The following GRIK1 variants were observed in gnomAD, a reference collection of about 807,000 sequenced individuals.
GRIK1 encodes glutamate ionotropic receptor kainate type subunit 1.
In GRIK1, 69 loss-of-function variants were observed where a neutral mutation model predicts 105.7. The observed-to-expected ratio is 0.65, with a 90% confidence interval of 0.54 to 0.80. GRIK1 has a LOEUF of 0.80. Among genes scored for constraint, GRIK1 ranks in the 30% least tolerant of loss-of-function variants. The pLI, the probability that GRIK1 is intolerant of heterozygous loss-of-function variation, is 0.00. For missense variants in GRIK1, 1,109 were observed against 1,167.3 expected (o/e 0.95, Z 0.73); for synonymous variants, 438 against 431.3 (o/e 1.02, Z -0.19).
At chr21:29,688,932 C>A (rs2063534416) in intron 3 of GRIK1, among the ~76,000 whole-genome samples, 1 of 151,982 alleles carries the variant, frequency 6.6e-6, no homozygotes, top group Non-Finnish European at 1.5e-5. Flanking sequence ...AGAGTACAGG[C>A]AGTGAGGGAA....
At chr21:29,848,779 A>ATATAT in intron 1 of GRIK1, among the ~76,000 whole-genome samples, 1,148 of 77,846 alleles carry the variant, frequency 0.015, 41 homozygotes, top group Admixed American at 0.063. Flanking sequence ...ATATATATAT[A>ATATAT]TTTTTTTTTT....
intron 1 of GRIK1, among the ~76,000 whole-genome samples, chr21:29,895,442 C>A (rs1042708721): frequency 6.6e-6 from 1 of 152,102 alleles, no homozygotes; most frequent in Non-Finnish European, 1.5e-5. Context: ...AACAGGCAAA[C>A]AACAACTACA....
At chr21:29,625,924 C>T (rs1371308859) in intron 7 of GRIK1, among the ~76,000 whole-genome samples, 5 of 151,986 alleles carry the variant, frequency 3.3e-5, no homozygotes, top group African/African-American at 4.8e-5. Flanking sequence ...AAAGTTGTGT[C>T]CCCCCAAATT....
intron 7 of GRIK1, among the ~76,000 whole-genome samples, chr21:29,599,726 G>A (rs897075910): frequency 6.6e-6 from 1 of 152,168 alleles, no homozygotes; most frequent in African/African-American, 2.4e-5. Flanking sequence ...CAAGGTGGAG[G>A]TTGTGGTGAG....
intron 1 of GRIK1, among the ~76,000 whole-genome samples, chr21:29,897,043 C>T (rs1045687968): frequency 2.0e-5 from 3 of 152,116 alleles, no homozygotes; most frequent in South Asian, 2.1e-4. Flanking sequence ...GAATGAGAAG[C>T]GGATTTAAAA....
chr21:29,880,294 A>C (rs528888763), intron 1 of GRIK1, among the ~76,000 whole-genome samples: 1 of 152,228 alleles, frequency 6.6e-6, no homozygotes, highest in South Asian at 2.1e-4. Flanking sequence ...TTACCAACTC[A>C]TTTCATGTTT....
chr21:29,905,649 C>T (rs1251150841), intron 1 of GRIK1, among the ~76,000 whole-genome samples: 3 of 106,316 alleles, frequency 2.8e-5, no homozygotes, highest in South Asian at 3.4e-4. Flanking sequence ...TTTTTTGAGA[C>T]GGAGTCTCGC....
chr21:29,560,395 T>C (rs2090406420), intron 15 of GRIK1, among the ~76,000 whole-genome samples: 1 of 89,226 alleles, frequency 1.1e-5, no homozygotes, highest in Admixed American at 1.2e-4. Context: ...CTTCCTTCCT[T>C]CCTTCCTTTC....
At chr21:29,805,979 A>G (rs150236045) in intron 1 of GRIK1, among the ~76,000 whole-genome samples, 41 of 152,300 alleles carry the variant, frequency 2.7e-4, no homozygotes, top group Non-Finnish European at 4.7e-4. Flanking sequence ...CAAACATGCT[A>G]TAAATCACAG....
At chr21:29,905,405 T>C (rs977987170) in intron 1 of GRIK1, among the ~76,000 whole-genome samples, 1 of 140,584 alleles carries the variant, frequency 7.1e-6, no homozygotes, top group Admixed American at 7.1e-5. Flanking sequence ...TCAAAACTTA[T>C]TTTTAAAAAT....
chr21:29,900,459 C>CAAAA (rs746842761), intron 1 of GRIK1, among the ~76,000 whole-genome samples: 5 of 78,322 alleles, frequency 6.4e-5, no homozygotes, highest in Admixed American at 1.4e-4. Flanking sequence ...AAATGGAAAG[C>CAAAA]AAGAAAAAAA....
At chr21:29,906,130 T>C (rs1315925333) in intron 1 of GRIK1, among the ~76,000 whole-genome samples, 1 of 152,186 alleles carries the variant, frequency 6.6e-6, no homozygotes, top group Non-Finnish European at 1.5e-5. Context: ...TTCTCATTAA[T>C]GGCATGGAAT....
Position 29,738,538 on chromosome 21 carries a change from T to A in GRIK1, c.119-44475A>T, listed in dbSNP as rs570563329. Among the ~76,000 whole-genome samples, 4 of 152,348 alleles carry A rather than the reference T, an allele frequency of 2.6e-5. No individual in the cohort carries two copies. In the East Asian group the frequency reaches 7.7e-4, roughly 29 times the overall value. Reference sequence around the variant, plus strand: ...GGGTAAAAGCAGAAATGATCCTTTGTGCTTAAGACACTGAAGAAAATAAAT... The same window carrying A: ...GGGTAAAAGCAGAAATGATCCTTTGAGCTTAAGACACTGAAGAAAATAAAT... On this transcript the variant is annotated intron_variant, in intron 1 of 17. Coordinates refer to ENST00000327783, the MANE Select transcript of GRIK1 (RefSeq NM_001330994.2).
chr21:29,867,410 GAGGA>G lies in GRIK1; in HGVS notation c.118+71969_118+71972del, dbSNP rs542454199. On this transcript the variant is annotated intron_variant, in intron 1 of 17. Coordinates refer to ENST00000327783, the MANE Select transcript of GRIK1 (RefSeq NM_001330994.2). ...AAAGGGATAGGAGGGCTGAAGAGAG[GAGGA>G]AGGGACAGAAACTCCTAGTGTGTAC... is the stretch of plus-strand genomic sequence containing the variant. Among the ~76,000 whole-genome samples, 65 of 152,286 alleles carry G rather than the reference GAGGA, an allele frequency of 4.3e-4. No homozygotes were observed. In the East Asian group the frequency reaches 0.012, roughly 28 times the overall value.
chr21:29,824,952 T>C (rs1384932266), intron 1 of GRIK1, among the ~76,000 whole-genome samples: 4 of 152,010 alleles, frequency 2.6e-5, no homozygotes, highest in Non-Finnish European at 5.9e-5. Context: ...ATGTTGATGG[T>C]GAGACGTGGT....
intron 12 of GRIK1, among the ~76,000 whole-genome samples, 171 bp from the exon 13 acceptor site, chr21:29,581,714 A>G (rs1247658627): frequency 6.6e-6 from 1 of 152,166 alleles, no homozygotes; most frequent in Non-Finnish European, 1.5e-5. Context: ...GCAAAGTGCA[A>G]AGAGCCTTGA....
intron 1 of GRIK1, among the ~76,000 whole-genome samples, chr21:29,725,378 C>T (rs2064431736): frequency 6.6e-6 from 1 of 152,122 alleles, no homozygotes; most frequent in African/African-American, 2.4e-5. Flanking sequence ...TCTTCCTTGG[C>T]AAAAAGAATA....
chr21:29,536,954 T>G lies in GRIK1; in HGVS notation c.*276A>C. On this transcript the variant is annotated 3_prime_UTR_variant, in exon 18 of 18. Transcript: ENST00000327783. Reference sequence around the variant, plus strand: ...CTTGTTCTGGAAAAAAACCCTGTTGTTTTATTATTATTTAGAAAGCACACA... The same window carrying G: ...CTTGTTCTGGAAAAAAACCCTGTTGGTTTATTATTATTTAGAAAGCACACA... The G allele has an allele frequency of 4.8e-6, 1 of 206,814 alleles. No homozygotes were observed. The highest frequency in any genetic ancestry group is 9.5e-6 in the Non-Finnish European group (1 of 104,752). The allele number at this position is 206,814 out of a possible 1,614,324, so 12.8% of individuals were successfully genotyped here.
intron 1 of GRIK1, among the ~76,000 whole-genome samples, chr21:29,880,738 G>C (rs1248626998): frequency 6.6e-6 from 1 of 152,126 alleles, no homozygotes; most frequent in Non-Finnish European, 1.5e-5. Flanking sequence ...GCTGATTTGT[G>C]GCAATCAGGA....
Sources: gnomAD v4.1 joint callset for allele counts (sites outside exome capture counted in the v4.1 genomes callset) on GRCh38, gnomAD v4.1.1 for gene constraint, MANE v1.5 for transcripts, NCBI Gene and HGNC (gene_info 2026-07-23, HGNC 2026-07-21) for gene names.